The following TRPS1 variants were observed in gnomAD, a reference collection of about 807,000 sequenced individuals.
TRPS1 encodes the protein zinc finger transcription factor Trps1.
In TRPS1, 6 loss-of-function variants were observed where a neutral mutation model predicts 101.2. The observed-to-expected ratio is 0.06, with a 90% confidence interval of 0.03 to 0.12. The LOEUF (loss-of-function observed/expected upper bound fraction) is 0.12, where lower values mean the gene tolerates loss of function less well. TRPS1 is among the 10% of genes least tolerant of loss of function. The pLI is 1.00. For missense variants in TRPS1, 1,363 were observed against 1,567.0 expected, an observed-to-expected ratio of 0.87 and a Z score of 2.20; for synonymous variants, 578 against 589.8, an observed-to-expected ratio of 0.98 and a Z score of 0.29.
chr8:115,421,551 G>A (rs2129783600), intron 5 of TRPS1, among the ~76,000 whole-genome samples: 1 of 152,304 alleles, frequency 6.6e-6, no homozygotes, highest in Middle Eastern at 3.4e-3. Flanking sequence ...ATATCTAGGT[G>A]TTCGCACCTA....
intron 1 of TRPS1, among the ~76,000 whole-genome samples, chr8:115,626,430 A>G (rs569927417): frequency 4.0e-5 from 6 of 151,896 alleles, no homozygotes; most frequent in East Asian, 1.9e-4. Context: ...GATGTTTTCT[A>G]TTTCTTCAGA....
Position 115,635,230 on chromosome 8 carries a change from C to T in TRPS1, c.-121-11472G>A, listed in dbSNP as rs139692246. 4.6e-3 allele frequency among the ~76,000 whole-genome samples: 708 copies of T among 152,294 alleles called. 6 individuals are homozygous for T. The highest frequency in any genetic ancestry group is 8.0e-3 in the Non-Finnish European group (545 of 68,026). ...TCCTACACTTTATCCATTTGTGCAT[C>T]TACCACTTCCCTTTCATGGAAACTC... On this transcript the variant is annotated intron_variant, in intron 1 of 6. Coordinates refer to ENST00000395715, the MANE Select transcript of TRPS1 (RefSeq NM_014112.5).
At chr8:115,631,294 T>C (rs1818635687) in intron 1 of TRPS1, among the ~76,000 whole-genome samples, 3 of 152,078 alleles carry the variant, frequency 2.0e-5, no homozygotes, top group Non-Finnish European at 2.9e-5. Context: ...AACCAGAAAA[T>C]ATATTATGAT....
At chr8:115,567,882 A>G (rs1382806799) in intron 5 of TRPS1, among the ~76,000 whole-genome samples, 1 of 152,162 alleles carries the variant, frequency 6.6e-6, no homozygotes, top group African/African-American at 2.4e-5. Context: ...CATTCATGAT[A>G]TATCAGGGAT....
intron 4 of TRPS1, among the ~76,000 whole-genome samples, chr8:115,602,017 ATT>A (rs952956985): frequency 2.6e-5 from 4 of 152,172 alleles, no homozygotes; most frequent in Admixed American, 6.5e-5. Context: ...TTGGGGGATT[ATT>A]TTGTTTACCT....
intron 5 of TRPS1, among the ~76,000 whole-genome samples, chr8:115,475,372 G>A (rs1814579081): frequency 6.8e-6 from 1 of 146,870 alleles, no homozygotes; most frequent in Admixed American, 6.9e-5. Flanking sequence ...GTAAAACCTG[G>A]ATCACTTGCT....
intron 3 of TRPS1, among the ~76,000 whole-genome samples, chr8:115,606,423 C>A (rs890745346): frequency 6.6e-6 from 1 of 152,154 alleles, no homozygotes; most frequent in African/African-American, 2.4e-5. Context: ...TCAACATTTA[C>A]TGTACATTAA....
chr8:115,574,751 T>TATAC (rs1057175809), intron 5 of TRPS1, among the ~76,000 whole-genome samples: 14 of 151,870 alleles, frequency 9.2e-5, no homozygotes, highest in Non-Finnish European at 1.9e-4. Context: ...CATATATATA[T>TATAC]ATAACTTTAT....
At chr8:115,500,434 C>A (rs1170664954) in intron 5 of TRPS1, among the ~76,000 whole-genome samples, 2 of 152,172 alleles carry the variant, frequency 1.3e-5, no homozygotes, top group Admixed American at 6.5e-5. Context: ...TCTATTATTA[C>A]AAAAGCAACC....
At chr8:115,469,331 C>T (rs1814405594) in intron 5 of TRPS1, among the ~76,000 whole-genome samples, 1 of 152,138 alleles carries the variant, frequency 6.6e-6, no homozygotes, top group South Asian at 2.1e-4. Flanking sequence ...TTAACTAGAA[C>T]ATCATTAACT....
intron 4 of TRPS1, among the ~76,000 whole-genome samples, chr8:115,597,908 A>G (rs997646387): frequency 2.0e-5 from 3 of 152,274 alleles, no homozygotes; most frequent in African/African-American, 7.2e-5. Flanking sequence ...AACTAAGTCT[A>G]TTCTTTTCTT....
chr8:115,460,694 G>A (rs1048854268), intron 5 of TRPS1, among the ~76,000 whole-genome samples: 2 of 151,866 alleles, frequency 1.3e-5, no homozygotes, highest in Non-Finnish European at 2.9e-5. Context: ...AAGACCATGC[G>A]ATTCAATTAA....
At chr8:115,652,518 GAAATAA>G (rs1250569689) in intron 1 of TRPS1, among the ~76,000 whole-genome samples, 3 of 152,114 alleles carry the variant, frequency 2.0e-5, no homozygotes, top group African/African-American at 7.2e-5. Flanking sequence ...AATCCATCTG[GAAATAA>G]ATAAAAAGTA....
intron 5 of TRPS1, 72 bp downstream of exon 5, chr8:115,586,928 GT>G: frequency 1.2e-6 from 2 of 1,600,722 alleles, no homozygotes; most frequent in Non-Finnish European, 1.7e-6. Flanking sequence ...ACACAATCCT[GT>G]AGAGAAAGAA....
intron 5 of TRPS1, among the ~76,000 whole-genome samples, chr8:115,580,265 TGA>T (rs58001701): frequency 6.7e-6 from 1 of 149,210 alleles, no homozygotes; most frequent in Non-Finnish European, 1.5e-5. Context: ...TATATATATA[TGA>T]GAGACAATGG....
At chr8:115,481,873 G>A (rs927836571) in intron 5 of TRPS1, among the ~76,000 whole-genome samples, 1 of 152,186 alleles carries the variant, frequency 6.6e-6, no homozygotes, top group Non-Finnish European at 1.5e-5. Flanking sequence ...ATAAGGTAAT[G>A]CAAAGGCACA....
chr8:115,540,442 T>C (rs1466821630), intron 5 of TRPS1, among the ~76,000 whole-genome samples: 1 of 152,166 alleles, frequency 6.6e-6, no homozygotes, highest in Non-Finnish European at 1.5e-5. Flanking sequence ...AGAATTTAGT[T>C]AGAACTTTCC....
intron 1 of TRPS1, among the ~76,000 whole-genome samples, chr8:115,648,249 C>T (rs1811467257): frequency 1.4e-5 from 2 of 147,284 alleles, no homozygotes; most frequent in East Asian, 4.1e-4. Flanking sequence ...GGGCAGGAGG[C>T]GGCCTCCACG....
intron 5 of TRPS1, among the ~76,000 whole-genome samples, chr8:115,459,324 A>AAATAATAATAAT (rs61516910): frequency 0.052 from 7,787 of 149,816 alleles, 253 homozygotes; most frequent in Non-Finnish European, 0.076. Context: ...ACTCTGTCTC[A>AAATAATAATAAT]AATAATAATA....
Sources: allele counts gnomAD v4.1 joint callset (sites outside exome capture counted in the v4.1 genomes callset), GRCh38; gene constraint gnomAD v4.1.1; transcripts MANE v1.5; gene names NCBI Gene and HGNC (gene_info 2026-07-23, HGNC 2026-07-21).